Variants in PHACTR4 observed in about 807,000 individuals in gnomAD.
PHACTR4 encodes phosphatase and actin regulator 4, also known as protein phosphatase 1, regulatory subunit 124.
PHACTR4 carries 51 observed loss-of-function variants against 72.7 expected under a neutral mutation model. That is an observed-to-expected ratio of 0.70 (90% CI 0.56 to 0.89). The LOEUF is 0.89. Ranked by LOEUF, PHACTR4 falls within the 40% of genes least tolerant of loss-of-function variation. The probability of loss-of-function intolerance (pLI) is 0.00; values close to 1 mark genes in which losing one functional copy is unlikely to be tolerated. For synonymous variants in PHACTR4, 255 were observed against 302.5 expected, an observed-to-expected ratio of 0.84 and a Z score of 1.63; for missense variants, 731 against 861.8, an observed-to-expected ratio of 0.85 and a Z score of 1.90.
At chr1:28,430,392 G>T (rs1471561707) in intron 2 of PHACTR4, among the ~76,000 whole-genome samples, 2 of 152,126 alleles carry the variant, frequency 1.3e-5, no homozygotes, top group Admixed American at 6.6e-5. Flanking sequence ...TCCTGGCGAA[G>T]GGAGCAATTT....
intron 1 of PHACTR4, among the ~76,000 whole-genome samples, chr1:28,399,542 G>C (rs994916864): frequency 6.6e-6 from 1 of 151,916 alleles, no homozygotes; most frequent in African/African-American, 2.4e-5. Context: ...TTAATTTCTT[G>C]TTGGTCTCGG....
At chr1:28,489,270 T>C (rs1166330198) in intron 10 of PHACTR4, 45 bp downstream of exon 10, 2 of 1,520,708 alleles carry the variant, frequency 1.3e-6, no homozygotes, top group Admixed American at 1.8e-5. Flanking sequence ...TTTCTTTGTA[T>C]GTTTCTGACT....
intron 1 of PHACTR4, among the ~76,000 whole-genome samples, chr1:28,395,601 A>G (rs2124216612): frequency 6.6e-6 from 1 of 150,950 alleles, no homozygotes; most frequent in Middle Eastern, 3.4e-3. Flanking sequence ...TACATATTGA[A>G]TATTTGTGCT....
At chr1:28,379,278 T>TC (rs949487040) in intron 1 of PHACTR4, among the ~76,000 whole-genome samples, 22 of 151,490 alleles carry the variant, frequency 1.5e-4, no homozygotes, top group African/African-American at 5.1e-4. Context: ...TTTCTTTTTT[T>TC]TTTTTTTGAA....
chr1:28,485,104 T>G (rs1443072407), intron 9 of PHACTR4, among the ~76,000 whole-genome samples: 1 of 152,182 alleles, frequency 6.6e-6, no homozygotes, highest in African/African-American at 2.4e-5. Flanking sequence ...GAACAATAAA[T>G]ACTGCATGAT....
intron 1 of PHACTR4, among the ~76,000 whole-genome samples, chr1:28,386,923 T>C (rs1178773879): frequency 6.6e-6 from 1 of 152,182 alleles, no homozygotes; most frequent in African/African-American, 2.4e-5. Context: ...GGTTGTTCTT[T>C]GGGAAAGCTT....
At position 28,383,968 on chromosome 1, in the gene PHACTR4, G is replaced by A. The variant is rs549674785; in HGVS notation, c.-39+14143G>A. 1.1e-4 allele frequency among the ~76,000 whole-genome samples: 16 copies of A among 152,178 alleles called. 1 individual carries two copies. The highest frequency in any genetic ancestry group is 1.5e-4 in the Non-Finnish European group (10 of 68,004). Reference sequence around the variant, plus strand: ...TGTTTATGTGATGAATCATATTTACGAATTTGCATATGTTGAACCAACCTT... The same window carrying A: ...TGTTTATGTGATGAATCATATTTACAAATTTGCATATGTTGAACCAACCTT... On this transcript the variant is annotated intron_variant, in intron 1 of 13. Transcript: ENST00000373839.
At chr1:28,420,642 A>G (rs1655451108) in intron 2 of PHACTR4, among the ~76,000 whole-genome samples, 1 of 152,206 alleles carries the variant, frequency 6.6e-6, no homozygotes, top group Admixed American at 6.5e-5. Context: ...CTGTCTCAAA[A>G]TAAAAGAGGA....
intron 8 of PHACTR4, among the ~76,000 whole-genome samples, chr1:28,479,686 A>G (rs1487109999): frequency 6.6e-6 from 1 of 152,070 alleles, no homozygotes; most frequent in African/African-American, 2.4e-5. Flanking sequence ...AGGAGTTCAA[A>G]CCAGCCTGGC....
rs988227110 is a variant in PHACTR4, at chr1:28,452,819, TAATAAA to T, written c.17-6254_17-6249del. ...TCAAAAAATAAAAAATACAAACAAATAATAAAAATAAAAATAAGTCCGGGCACAGTG... is the reference window on the plus strand; with the variant it reads ...TCAAAAAATAAAAAATACAAACAAATAATAAAAATAAGTCCGGGCACAGTG... On this transcript the variant is annotated intron_variant, in intron 2 of 13. Coordinates refer to ENST00000373839, the MANE Select transcript of PHACTR4 (RefSeq NM_001048183.3). 4.2e-5 allele frequency among the ~76,000 whole-genome samples: 6 copies of T among 141,898 alleles called. No homozygotes were observed. The East Asian group carries it at 6.4e-4, about 15-fold the overall frequency. The allele number at this position is 141,898 out of a possible 152,430, so 93.1% of individuals were successfully genotyped here.
At chr1:28,381,401 C>G (rs1237186904) in intron 1 of PHACTR4, among the ~76,000 whole-genome samples, 1 of 149,678 alleles carries the variant, frequency 6.7e-6, no homozygotes, top group Non-Finnish European at 1.5e-5. Flanking sequence ...CGGGTTCAAG[C>G]GATTCTCTTG....
At chr1:28,396,845 CTTTTTT>C (rs60578939) in intron 1 of PHACTR4, among the ~76,000 whole-genome samples, 55 of 119,670 alleles carry the variant, frequency 4.6e-4, no homozygotes, top group Non-Finnish European at 6.2e-4. Context: ...TTCTTTCTTT[CTTTTTT>C]TTTTTTTTTT....
intron 1 of PHACTR4, among the ~76,000 whole-genome samples, chr1:28,378,242 C>G (rs1228289344): frequency 1.4e-5 from 2 of 142,650 alleles, no homozygotes; most frequent in Non-Finnish European, 3.0e-5. Context: ...TGGCTCACAC[C>G]TGTATTCCCA....
intron 1 of PHACTR4, among the ~76,000 whole-genome samples, chr1:28,386,563 T>C (rs977039255): frequency 6.6e-6 from 1 of 152,206 alleles, no homozygotes; most frequent in Non-Finnish European, 1.5e-5. Context: ...TAAGTCCCTT[T>C]GAAGGTCTCT....
At chr1:28,432,537 C>T (rs537848259) in intron 2 of PHACTR4, among the ~76,000 whole-genome samples, 1 of 151,508 alleles carries the variant, frequency 6.6e-6, no homozygotes, top group Admixed American at 6.6e-5. Flanking sequence ...CTAGCTACTC[C>T]GGAGGCTGAG....
intron 2 of PHACTR4, among the ~76,000 whole-genome samples, chr1:28,458,225 T>G (rs530969993): frequency 4.0e-5 from 6 of 151,362 alleles, no homozygotes; most frequent in Non-Finnish European, 7.4e-5. Context: ...AACTGCAGCA[T>G]TGACCTCCCA....
chr1:28,390,139 C>G (rs1053176217), intron 1 of PHACTR4, among the ~76,000 whole-genome samples: 7 of 152,124 alleles, frequency 4.6e-5, no homozygotes, highest in African/African-American at 1.7e-4. Context: ...GCTGCATGCT[C>G]TTATTTTGTT....
At chr1:28,468,898 G>A (rs1324133821) in intron 6 of PHACTR4, among the ~76,000 whole-genome samples, 1 of 152,160 alleles carries the variant, frequency 6.6e-6, no homozygotes, top group Admixed American at 6.6e-5. Context: ...CCCTTTTCAA[G>A]TTAAGGCAAC....
At chr1:28,463,731 A>C (rs1258500569) in intron 4 of PHACTR4, among the ~76,000 whole-genome samples, 1 of 152,060 alleles carries the variant, frequency 6.6e-6, no homozygotes, top group Non-Finnish European at 1.5e-5. Flanking sequence ...TCCACCTCTT[A>C]TTGGAACTTC....
Sources: allele counts gnomAD v4.1 joint callset (sites outside exome capture counted in the v4.1 genomes callset), GRCh38; gene constraint gnomAD v4.1.1; transcripts MANE v1.5; gene names NCBI Gene and HGNC (gene_info 2026-07-23, HGNC 2026-07-21).